SLC29A3: variants seen among roughly 807,000 people sequenced by gnomAD.
SLC29A3 encodes solute carrier family 29 member 3.
In SLC29A3, 18 loss-of-function variants were observed where a neutral mutation model predicts 25.4. The ratio of observed to expected loss-of-function variants is 0.71; its 90% confidence interval spans 0.49 to 1.05. The LOEUF (loss-of-function observed/expected upper bound fraction) is 1.05. Among genes scored for constraint, SLC29A3 ranks in the 50% least tolerant of loss-of-function variants. The probability of loss-of-function intolerance (pLI) is 0.00; values close to 1 mark genes in which losing one functional copy is unlikely to be tolerated. For missense variants in SLC29A3, 586 were observed against 609.0 expected, an observed-to-expected ratio of 0.96 and a Z score of 0.40; for synonymous variants, 258 against 267.1, an observed-to-expected ratio of 0.97 and a Z score of 0.33.
chr10:71,370,910 T>G (rs1847207080), intron 3 of SLC29A3, among the ~76,000 whole-genome samples: 1 of 152,114 alleles, frequency 6.6e-6, no homozygotes. Flanking sequence ...ATTTGTCTTT[T>G]CTTTATACTA....
chr10:71,361,564 TG>T (rs1376601996), intron 5 of SLC29A3, among the ~76,000 whole-genome samples: 7 of 152,224 alleles, frequency 4.6e-5, no homozygotes, highest in Non-Finnish European at 5.9e-5. Context: ...CTGTATTATT[TG>T]GGTTTGTTGT....
At chr10:71,354,546 G>A (rs1174404150) in intron 4 of SLC29A3, among the ~76,000 whole-genome samples, 4 of 152,228 alleles carry the variant, frequency 2.6e-5, no homozygotes, top group African/African-American at 4.8e-5. Flanking sequence ...GTGATGGTGC[G>A]CACGGTGGAC....
rs1219455933 is a variant in SLC29A3, at chr10:71,322,943, C to T, written c.189C>T (p.Gly63=). 2 of 1,614,218 alleles carry T rather than the reference C, an allele frequency of 1.2e-6. No homozygotes were observed. The highest frequency in any genetic ancestry group is 2.2e-5 in the South Asian group (2 of 91,090). The part of the protein sequence containing the change: ...TYIIFFSLGI[G]SLLPWNFFIT... ...TCATCTTCTTCAGCCTGGGCATTGG[C>T]AGTCTACTGCCATGGAACTTCTTTA... The change falls in exon 2 of 6, where the codon GGC becomes GGT. Residue 63 remains glycine, a synonymous_variant. Coordinates refer to ENST00000373189, the MANE Select transcript of SLC29A3 (RefSeq NM_018344.6).
chr10:71,365,297 A>T (rs1291489691), downstream of SLC29A3: 2 of 152,228 alleles, frequency 1.3e-5, no homozygotes, highest in Non-Finnish European at 2.9e-5. Context: ...GTAAACCAGC[A>T]GTCTCTGAGC....
At chr10:71,374,570 G>A (rs1221611133) in intron 3 of SLC29A3, among the ~76,000 whole-genome samples, 2 of 152,060 alleles carry the variant, frequency 1.3e-5, no homozygotes, top group African/African-American at 4.8e-5. Context: ...CTAGATTTTT[G>A]GGCAGAGAAC....
intron 2 of SLC29A3, 104 bp from the exon 3 acceptor site, chr10:71,344,105 A>G (rs1377567098): frequency 1.1e-5 from 10 of 926,744 alleles, no homozygotes; most frequent in Non-Finnish European, 1.8e-5. Flanking sequence ...GTCTGAAGAC[A>G]GTGGGGAGAA....
chr10:71,353,433 G>T (rs1846815006), intron 4 of SLC29A3, among the ~76,000 whole-genome samples: 1 of 152,134 alleles, frequency 6.6e-6, no homozygotes, highest in Non-Finnish European at 1.5e-5. Flanking sequence ...ATCCTTGCTG[G>T]CAGGCTCTCC....
intron 2 of SLC29A3, among the ~76,000 whole-genome samples, chr10:71,331,969 T>C (rs1352574355): frequency 1.3e-5 from 2 of 152,164 alleles, no homozygotes; most frequent in African/African-American, 4.8e-5. Context: ...CAGGTGGTCC[T>C]GTTGCCAGCT....
intron 2 of SLC29A3, among the ~76,000 whole-genome samples, chr10:71,337,682 C>G (rs972958160): frequency 2.0e-5 from 3 of 152,226 alleles, no homozygotes; most frequent in Admixed American, 6.5e-5. Flanking sequence ...AAATGGCATT[C>G]AGGGAAGAGA....
intron 2 of SLC29A3, among the ~76,000 whole-genome samples, chr10:71,341,932 TC>T (rs1420562680): frequency 6.6e-6 from 1 of 152,310 alleles, no homozygotes; most frequent in East Asian, 1.9e-4. Flanking sequence ...AACTTGGGGT[TC>T]CATGCCAGGT....
chr10:71,321,510 G>A (rs1470232200), intron 1 of SLC29A3, among the ~76,000 whole-genome samples: 1 of 152,200 alleles, frequency 6.6e-6, no homozygotes, highest in Non-Finnish European at 1.5e-5. Flanking sequence ...CCACATCCTA[G>A]GTGCTATGTA....
intron 5 of SLC29A3, among the ~76,000 whole-genome samples, chr10:71,357,997 C>T (rs1846959000): frequency 6.6e-6 from 1 of 152,188 alleles, no homozygotes; most frequent in Admixed American, 6.5e-5. Context: ...TGGCACAAAG[C>T]TAAGCAGTTT....
chr10:71,328,972 A>G (rs1026181749), intron 2 of SLC29A3, among the ~76,000 whole-genome samples: 2 of 152,222 alleles, frequency 1.3e-5, no homozygotes, highest in East Asian at 1.9e-4. Context: ...CCAAGGAGGA[A>G]GTGTTCAAAG....
intron 2 of SLC29A3, among the ~76,000 whole-genome samples, chr10:71,337,335 C>A (rs905322287): frequency 6.6e-6 from 1 of 152,228 alleles, no homozygotes; most frequent in African/African-American, 2.4e-5. Context: ...TGGGCTGATG[C>A]CCAGGGCAAG....
At chr10:71,368,280 A>G (rs1847185641), downstream of SLC29A3, among the ~76,000 whole-genome samples, 1 of 152,234 alleles carries the variant, frequency 6.6e-6, no homozygotes, top group Non-Finnish European at 1.5e-5. Flanking sequence ...GGGCTGTAGA[A>G]AGGATTAAAT....
intron 1 of SLC29A3, among the ~76,000 whole-genome samples, chr10:71,320,912 C>A (rs183998357): frequency 3.9e-5 from 6 of 152,188 alleles, no homozygotes; most frequent in Admixed American, 2.6e-4. Flanking sequence ...CAGTCCTCCC[C>A]GGTGTGCTGA....
Position 71,328,491 on chromosome 10 carries a change from C to T in SLC29A3, c.300+5437C>T, listed in dbSNP as rs1176431812. ...ATTATCTCATGCAGCGCTGCAGCAC[C>T]CGTAGGTCAGGAACTGTTATCATCC... On this transcript the variant is annotated intron_variant, in intron 2 of 5. Transcript: ENST00000373189. Among the ~76,000 whole-genome samples, 5 of 152,198 alleles carry T rather than the reference C, an allele frequency of 3.3e-5. No homozygotes were observed. In the South Asian group the frequency reaches 1.0e-3, roughly 31 times the overall value.
chr10:71,337,589 G>T (rs1226598179), intron 2 of SLC29A3, among the ~76,000 whole-genome samples: 2 of 152,202 alleles, frequency 1.3e-5, no homozygotes, highest in African/African-American at 4.8e-5. Context: ...GCACAAAGCT[G>T]CCTCGCAGAA....
At chr10:71,353,481 G>T (rs1846816436) in intron 4 of SLC29A3, among the ~76,000 whole-genome samples, 1 of 152,170 alleles carries the variant, frequency 6.6e-6, no homozygotes. Context: ...ACATTGGCAA[G>T]CGGTCCTCGG....
Sources: gnomAD v4.1 joint callset for allele counts (sites outside exome capture counted in the v4.1 genomes callset) on GRCh38, gnomAD v4.1.1 for gene constraint, MANE v1.5 for transcripts, NCBI Gene and HGNC (gene_info 2026-07-23, HGNC 2026-07-21) for gene names.